The following CNTNAP5 variants were observed in gnomAD, a reference collection of about 807,000 sequenced individuals.
CNTNAP5 encodes the protein contactin-associated protein-like 5.
Under a neutral mutation model 150.2 loss-of-function variants are expected in CNTNAP5, and 72 were observed. That is an observed-to-expected ratio of 0.48 (90% confidence interval 0.40 to 0.58). CNTNAP5 has a LOEUF of 0.58. Among genes scored for constraint, CNTNAP5 ranks in the 20% least tolerant of loss-of-function variants. CNTNAP5 has a pLI of 0.00. For missense variants in CNTNAP5, 1,636 were observed against 1,626.2 expected (o/e 1.01, Z -0.10); for synonymous variants, 672 against 619.8 (o/e 1.08, Z -1.25).
intron 3 of CNTNAP5, among the ~76,000 whole-genome samples, chr2:124,327,677 T>C (rs1308881057): frequency 2.0e-5 from 3 of 152,204 alleles, no homozygotes; most frequent in Admixed American, 6.5e-5. Flanking sequence ...TTTCAACCAA[T>C]TGCCAATCAG....
At position 124,511,568 on chromosome 2, in the gene CNTNAP5, A is replaced by T. The variant is rs542113588; in HGVS notation, c.1327+7012A>T. On this transcript the variant is annotated intron_variant, in intron 8 of 23. Transcript: ENST00000682447. Reference sequence around the variant, plus strand: ...TCACTGTCCTCATTTGCTGAAGGAGAGGATCAGTCTAGAATCATGGATGCT... The same window carrying T: ...TCACTGTCCTCATTTGCTGAAGGAGTGGATCAGTCTAGAATCATGGATGCT... Among the ~76,000 whole-genome samples, 8 of 152,288 alleles carry T rather than the reference A, an allele frequency of 5.3e-5. No individual in the cohort carries two copies. The South Asian group carries it at 1.7e-3, about 32-fold the overall frequency.
intron 13 of CNTNAP5, among the ~76,000 whole-genome samples, chr2:124,669,973 T>A (rs1305824338): frequency 1.3e-5 from 2 of 152,104 alleles, no homozygotes; most frequent in Non-Finnish European, 2.9e-5. Context: ...TCTATGTGTT[T>A]CCTCCTGACT....
intron 3 of CNTNAP5, among the ~76,000 whole-genome samples, chr2:124,363,689 C>T (rs979529300): frequency 6.6e-6 from 1 of 152,050 alleles, no homozygotes; most frequent in Non-Finnish European, 1.5e-5. Context: ...AAGGATAGAT[C>T]TCATGTTAAG....
chr2:124,404,551 T>C (rs990037275), intron 3 of CNTNAP5, among the ~76,000 whole-genome samples: 19 of 152,318 alleles, frequency 1.2e-4, no homozygotes, highest in African/African-American at 4.6e-4. Flanking sequence ...CCACAGGTTC[T>C]TCCATTCATT....
At chr2:124,110,650 A>G (rs1420961629) in intron 1 of CNTNAP5, among the ~76,000 whole-genome samples, 1 of 152,120 alleles carries the variant, frequency 6.6e-6, no homozygotes, top group East Asian at 1.9e-4. Context: ...AGAGAGGGCT[A>G]TTGGTATCCT....
rs548548921 is a variant in CNTNAP5, at chr2:124,836,830, A to T, written c.3218-28476A>T. On this transcript the variant is annotated intron_variant, in intron 19 of 23. Transcript: ENST00000682447. ...TCCCCACTGAACAGTGATTAATTAT[A>T]CACATACCTCGTGTTTGTATTGCAG... Among the ~76,000 whole-genome samples the T allele has an allele frequency of 3.3e-5, 5 of 152,272 alleles. No individual in the cohort carries two copies. In the South Asian group the frequency reaches 8.3e-4, roughly 25 times the overall value.
rs764674063 is a variant in CNTNAP5 at position 124,914,214 on chromosome 2, T to C, written c.3850T>C (p.Leu1284=). ...GAAGGAGAAGGAATATCCAGAAAAT[T>C]TGGACAGTTCCTTCAGAAATGAAAT... ...QMKEKEYPEN[L]DSSFRNEIDL... is the part of the protein sequence containing the mutation. The change falls in exon 24 of 24, where the codon TTG becomes CTG. Residue 1284 remains leucine (L), a synonymous_variant. Coordinates refer to ENST00000682447, the MANE Select transcript of CNTNAP5 (RefSeq NM_001367498.1). The C allele has an allele frequency of 3.1e-6, 5 of 1,612,488 alleles. No individual in the cohort carries two copies. The highest frequency in any genetic ancestry group is 1.3e-5 in the African/African-American group (1 of 74,798).
intron 4 of CNTNAP5, 111 bp from the exon 5 acceptor site, chr2:124,434,373 C>A: frequency 1.2e-6 from 1 of 822,436 alleles, no homozygotes; most frequent in Non-Finnish European, 2.1e-6. Context: ...CTAGACCTGG[C>A]AGATCTCAAG....
At chr2:124,840,076 G>A (rs1482327688) in intron 19 of CNTNAP5, among the ~76,000 whole-genome samples, 1 of 151,804 alleles carries the variant, frequency 6.6e-6, no homozygotes, top group Admixed American at 6.6e-5. Flanking sequence ...GAAGTGAGGA[G>A]GGGGAATAAT....
At chr2:124,826,910 A>C (rs1339446576) in intron 19 of CNTNAP5, among the ~76,000 whole-genome samples, 1 of 151,572 alleles carries the variant, frequency 6.6e-6, no homozygotes, top group East Asian at 1.9e-4. Context: ...ATCTACGAAA[A>C]TTTTTTTCTT....
intron 13 of CNTNAP5, among the ~76,000 whole-genome samples, chr2:124,706,783 A>AAGAAGAAGAAGAAGAAGC (rs1679653046): frequency 2.7e-5 from 1 of 36,378 alleles, no homozygotes. Flanking sequence ...GAAGAAGAAG[A>AAGAAGAAGAAGAAGAAGC]AGAAGAAGAA....
At chr2:124,876,880 C>T (rs1573681256) in intron 21 of CNTNAP5, among the ~76,000 whole-genome samples, 1 of 151,928 alleles carries the variant, frequency 6.6e-6, no homozygotes, top group Non-Finnish European at 1.5e-5. Flanking sequence ...CTAATTTGAC[C>T]TTCCGCATCA....
intron 3 of CNTNAP5, among the ~76,000 whole-genome samples, chr2:124,409,776 C>T (rs1347529827): frequency 6.6e-6 from 1 of 151,754 alleles, no homozygotes; most frequent in Non-Finnish European, 1.5e-5. Context: ...CAAAATCAAG[C>T]CAAAATGTAA....
At position 124,390,691 on chromosome 2, in the gene CNTNAP5, A is replaced by AT. The variant is rs933396647; in HGVS notation, c.382-26745dup. On this transcript the variant is annotated intron_variant, in intron 3 of 23. Coordinates refer to ENST00000682447, the MANE Select transcript of CNTNAP5 (RefSeq NM_001367498.1). ...CATTTAGCTGTGCAGTAAATTCATT[A>AT]TTTTTTTCTATAATTACACTCAAGG... Among the ~76,000 whole-genome samples, 7 of 152,098 alleles carry AT rather than the reference A, an allele frequency of 4.6e-5. 1 individual carries two copies. The highest frequency in any genetic ancestry group is 7.4e-5 in the Non-Finnish European group (5 of 67,998).
intron 10 of CNTNAP5, among the ~76,000 whole-genome samples, chr2:124,554,980 T>C (rs1573455548): frequency 6.6e-6 from 1 of 152,178 alleles, no homozygotes; most frequent in African/African-American, 2.4e-5. Flanking sequence ...CAATGAATGA[T>C]TATTAGACTT....
chr2:124,591,329 T>C (rs1304463826), intron 11 of CNTNAP5, among the ~76,000 whole-genome samples: 2 of 152,154 alleles, frequency 1.3e-5, no homozygotes, highest in Non-Finnish European at 1.5e-5. Context: ...ATGTAGCAAG[T>C]CATTTCATAT....
chr2:124,394,909 T>C (rs1691207586), intron 3 of CNTNAP5, among the ~76,000 whole-genome samples: 1 of 152,216 alleles, frequency 6.6e-6, no homozygotes, highest in Non-Finnish European at 1.5e-5. Context: ...GAGCTTCATG[T>C]AGTGGCAGTC....
At chr2:124,281,313 A>T (rs1688007522) in intron 3 of CNTNAP5, among the ~76,000 whole-genome samples, 1 of 152,180 alleles carries the variant, frequency 6.6e-6, no homozygotes, top group South Asian at 2.1e-4. Context: ...GAAAATAAAC[A>T]TATTCTTTAA....
intron 6 of CNTNAP5, among the ~76,000 whole-genome samples, chr2:124,450,232 T>C (rs1692932216): frequency 6.6e-6 from 1 of 151,656 alleles, no homozygotes; most frequent in Admixed American, 6.6e-5. Context: ...ACTTCTGATA[T>C]ATATATATAC....
Sources: gnomAD v4.1 joint callset for allele counts (sites outside exome capture counted in the v4.1 genomes callset) on GRCh38, gnomAD v4.1.1 for gene constraint, MANE v1.5 for transcripts, NCBI Gene and HGNC (gene_info 2026-07-23, HGNC 2026-07-21) for gene names.